The following TRPC4 variants were observed in gnomAD, a reference collection of about 807,000 sequenced individuals.
TRPC4 encodes transient receptor potential cation channel subfamily C member 4.
TRPC4 carries 49 observed loss-of-function variants against 99.4 expected under a neutral mutation model. The ratio of observed to expected loss-of-function variants is 0.49; its 90% CI spans 0.39 to 0.63. TRPC4 has a LOEUF of 0.63. TRPC4 is among the 20% of genes least tolerant of loss of function. TRPC4 has a pLI of 0.00. For missense variants in TRPC4, 898 were observed against 1,152.9 expected, an observed-to-expected ratio of 0.78 and a Z score of 3.20; for synonymous variants, 454 against 425.9, an observed-to-expected ratio of 1.07 and a Z score of -0.81.
intron 3 of TRPC4, among the ~76,000 whole-genome samples, chr13:37,743,550 T>G (rs1039586811): frequency 2.6e-4 from 40 of 152,272 alleles, no homozygotes; most frequent in Non-Finnish European, 4.7e-4. Flanking sequence ...ATTCAATGTT[T>G]CATTGTCTCT....
intron 3 of TRPC4, among the ~76,000 whole-genome samples, chr13:37,705,380 G>C (rs1216970493): frequency 6.6e-6 from 1 of 151,878 alleles, no homozygotes; most frequent in Non-Finnish European, 1.5e-5. Context: ...TGTATAATGT[G>C]GTGACTATAG....
intron 5 of TRPC4, among the ~76,000 whole-genome samples, chr13:37,668,816 A>G (rs1952738559): frequency 6.6e-6 from 1 of 152,216 alleles, no homozygotes; most frequent in African/African-American, 2.4e-5. Context: ...TGTGCTTTAC[A>G]TGGTGAAATC....
In TRPC4 at chr13:37,810,892, T is replaced by A. The variant is rs542808854; in HGVS notation, c.-27-27532A>T. On this transcript the variant is annotated intron_variant, in intron 1 of 10. Coordinates refer to ENST00000379705, the MANE Select transcript of TRPC4 (RefSeq NM_016179.4). Reference sequence around the variant, plus strand: ...TCTCTCCAACAAACTGATCTCGAAATTTTTTGTACTCTATGTATTTTAGTT... The same window carrying A: ...TCTCTCCAACAAACTGATCTCGAAAATTTTTGTACTCTATGTATTTTAGTT... Among the ~76,000 whole-genome samples the A allele has an allele frequency of 5.6e-3, 854 of 152,188 alleles. 7 individuals carry two copies. The highest frequency in any genetic ancestry group is 0.02 in the African/African-American group (815 of 41,570).
At chr13:37,723,913 T>C (rs1332630287) in intron 3 of TRPC4, among the ~76,000 whole-genome samples, 1 of 152,056 alleles carries the variant, frequency 6.6e-6, no homozygotes, top group South Asian at 2.1e-4. Context: ...CATACCTATA[T>C]TGATGGAACT....
chr13:37,804,988 T>A (rs1957495263), intron 1 of TRPC4, among the ~76,000 whole-genome samples: 1 of 152,086 alleles, frequency 6.6e-6, no homozygotes, highest in African/African-American at 2.4e-5. Flanking sequence ...CATGATATTC[T>A]CAAATGGTTG....
chr13:37,697,160 C>T (rs970760126), intron 3 of TRPC4, among the ~76,000 whole-genome samples: 1 of 151,962 alleles, frequency 6.6e-6, no homozygotes, highest in African/African-American at 2.4e-5. Context: ...CTAATTAAGC[C>T]AATAGCATTC....
rs187922899 is a variant in TRPC4 at position 37,737,812 on chromosome 13, G to T, written c.897+8125C>A. Among the ~76,000 whole-genome samples, 39 of 152,188 alleles carry T rather than the reference G, an allele frequency of 2.6e-4. No individual in the cohort carries two copies. The East Asian group carries it at 4.1e-3, about 16-fold the overall frequency. ...TTTAATATAATATTTTATTTCAATG[G>T]TAGAGAGATGAGTTACTTGATACCA... On this transcript the variant is annotated intron_variant, in intron 3 of 10. Transcript: ENST00000379705.
chr13:37,760,555 C>A (rs578183062), intron 2 of TRPC4, among the ~76,000 whole-genome samples: 1 of 152,008 alleles, frequency 6.6e-6, no homozygotes, highest in East Asian at 2.0e-4. Context: ...TTGCAGATTC[C>A]CTTATTTCCC....
At chr13:37,674,420 A>C in intron 4 of TRPC4, 53 bp from the exon 5 acceptor site, 1 of 1,559,116 alleles carries the variant, frequency 6.4e-7, no homozygotes, top group African/African-American at 1.4e-5. Flanking sequence ...AATCACTAAA[A>C]AAGCAATATA....
At chr13:37,678,634 A>T (rs940012920) in intron 4 of TRPC4, among the ~76,000 whole-genome samples, 13 of 152,176 alleles carry the variant, frequency 8.5e-5, no homozygotes, top group African/African-American at 3.1e-4. Flanking sequence ...ACAACAAAAA[A>T]ATTCAGGTCC....
At chr13:37,773,214 C>T (rs1238683142) in intron 2 of TRPC4, among the ~76,000 whole-genome samples, 3 of 151,614 alleles carry the variant, frequency 2.0e-5, no homozygotes, top group African/African-American at 7.3e-5. Context: ...GGTTTCTAGA[C>T]ATGTCAGGGT....
chr13:37,699,015 T>C (rs1459013843), intron 3 of TRPC4, among the ~76,000 whole-genome samples: 1 of 152,208 alleles, frequency 6.6e-6, no homozygotes, highest in African/African-American at 2.4e-5. Flanking sequence ...TTGGATATTG[T>C]AGGGATTAAG....
intron 4 of TRPC4, among the ~76,000 whole-genome samples, chr13:37,682,685 C>T (rs1953290422): frequency 6.6e-6 from 1 of 152,116 alleles, no homozygotes; most frequent in Non-Finnish European, 1.5e-5. Flanking sequence ...CAGAGGTAGA[C>T]CTGGGGAGAC....
intron 3 of TRPC4, among the ~76,000 whole-genome samples, chr13:37,733,871 A>G (rs1345687734): frequency 2.6e-5 from 4 of 152,174 alleles, no homozygotes; most frequent in Non-Finnish European, 5.9e-5. Flanking sequence ...TTGGATTTTT[A>G]TAAAGGTTGC....
At chr13:37,736,931 C>T (rs1050811508) in intron 3 of TRPC4, among the ~76,000 whole-genome samples, 7 of 146,474 alleles carry the variant, frequency 4.8e-5, no homozygotes, top group African/African-American at 1.8e-4. Flanking sequence ...CAAGGTTGCA[C>T]CGTGTTGCCC....
Position 37,636,786 on chromosome 13 carries a change from C to A in TRPC4, c.*117G>T, listed in dbSNP as rs548454929. 2.6e-5 allele frequency: 33 copies of A among 1,256,664 alleles called. No individual in the cohort carries two copies. The East Asian group carries it at 5.7e-4, about 22-fold the overall frequency. 77.8% of individuals were successfully genotyped at this position (1,256,664 alleles called of 1,614,324 possible). Reference sequence around the variant, plus strand: ...ACATGTTACAGGTAATATGCCACAGCTGATAAACGCTATAAAGTGTAAGTT... The same window carrying A: ...ACATGTTACAGGTAATATGCCACAGATGATAAACGCTATAAAGTGTAAGTT... On this transcript the variant is annotated 3_prime_UTR_variant, in exon 11 of 11. Coordinates refer to ENST00000379705, the MANE Select transcript of TRPC4 (RefSeq NM_016179.4).
intron 2 of TRPC4, among the ~76,000 whole-genome samples, chr13:37,754,869 T>C (rs1263813818): frequency 6.6e-6 from 1 of 152,184 alleles, no homozygotes; most frequent in East Asian, 1.9e-4. Context: ...AACTGATTGC[T>C]ATTCTTAAAA....
At chr13:37,732,578 AC>A (rs1955274601) in intron 3 of TRPC4, among the ~76,000 whole-genome samples, 1 of 152,212 alleles carries the variant, frequency 6.6e-6, no homozygotes, top group African/African-American at 2.4e-5. Flanking sequence ...TAAAGGCTTC[AC>A]AAAAAACTCT....
At chr13:37,745,915 G>T in intron 3 of TRPC4, 22 bp downstream of exon 3, 1 of 1,594,520 alleles carries the variant, frequency 6.3e-7, no homozygotes, top group South Asian at 1.1e-5. Flanking sequence ...CATTTTGATG[G>T]ATCAAGTCTG....
Sources: allele counts gnomAD v4.1 joint callset (sites outside exome capture counted in the v4.1 genomes callset), GRCh38; gene constraint gnomAD v4.1.1; transcripts MANE v1.5; gene names NCBI Gene and HGNC (gene_info 2026-07-23, HGNC 2026-07-21).